The following GCLC variants were observed in gnomAD, a reference collection of about 807,000 sequenced individuals.
GCLC encodes glutamate-cysteine ligase catalytic subunit.
In GCLC, 30 loss-of-function variants were observed where a neutral mutation model predicts 81.5. The observed-to-expected ratio is 0.37, with a 90% CI of 0.28 to 0.50. GCLC has a LOEUF of 0.50. Ranked by LOEUF, GCLC falls within the 20% of genes least tolerant of loss-of-function variation. The pLI, the probability that GCLC is intolerant of heterozygous loss-of-function variation, is 0.96. For missense variants in GCLC, 556 were observed against 777.4 expected, an observed-to-expected ratio of 0.72 and a Z score of 3.39; for synonymous variants, 262 against 273.3, an observed-to-expected ratio of 0.96 and a Z score of 0.41.
chr6:53,509,284 G>A (rs768207663), intron 6 of GCLC, 34 bp from the exon 7 acceptor site: 60 of 1,275,092 alleles, frequency 4.7e-5, no homozygotes, highest in Non-Finnish European at 5.9e-5. Flanking sequence ...TAACACCAAG[G>A]AATCATTAGC....
At chr6:53,517,249 GTTTTTTT>G (rs201960255) in intron 3 of GCLC, among the ~76,000 whole-genome samples, 2 of 73,114 alleles carry the variant, frequency 2.7e-5, no homozygotes, top group African/African-American at 5.2e-5. Flanking sequence ...ACTGTACCAA[GTTTTTTT>G]TTTTTTTTTT....
chr6:53,515,221 A>T (rs1764843643), intron 4 of GCLC, among the ~76,000 whole-genome samples: 1 of 152,170 alleles, frequency 6.6e-6, no homozygotes, highest in Non-Finnish European at 1.5e-5. Flanking sequence ...TTACAATTAC[A>T]TGTTTCTATG....
Position 53,505,861 on chromosome 6 carries a change from A to C in GCLC, c.1232T>G (p.Phe411Cys). The C allele has an allele frequency of 6.2e-7, 1 of 1,612,284 alleles. No homozygotes were observed. The highest frequency in any genetic ancestry group is 8.5e-7 in the Non-Finnish European group (1 of 1,178,346). Residue 411 changes from phenylalanine (F) to cysteine (C), a missense_variant, in exon 11 of 16, where the codon TTT becomes TGT. Phe to Cys is a radical substitution (Grantham distance 205, BLOSUM62 -2). Coordinates refer to ENST00000650454, the MANE Select transcript of GCLC (RefSeq NM_001498.4). ...GTCTGAGTTTGGAGGAGGGGGCTTA[A>C]ATCTCATTGTCTGCCAATTTGTGGA... ...IQSTNWQTMRFKPPPPNSDIG... is the reference protein window; with the variant it reads ...IQSTNWQTMRCKPPPPNSDIG...
intron 9 of GCLC, 163 bp from the exon 10 acceptor site, chr6:53,507,188 C>G: frequency 4.3e-6 from 3 of 696,996 alleles, no homozygotes. Flanking sequence ...GTATTTTATC[C>G]TGCGGACACT....
intron 1 of GCLC, chr6:53,523,948 C>T (rs1244460135): frequency 6.6e-6 from 1 of 152,176 alleles, no homozygotes; most frequent in African/African-American, 2.4e-5. Context: ...TGCAGAATCA[C>T]TCAGTGTCAG....
At position 53,506,745 on chromosome 6, in the gene GCLC, T is replaced by C. The variant is rs1481036947; in HGVS notation, c.1197+168A>G. The C allele has an allele frequency of 4.8e-6, 3 of 619,734 alleles. No individual in the cohort carries two copies. In the African/African-American group the frequency reaches 5.6e-5, roughly 11 times the overall value. The allele number at this position is 619,734 out of a possible 1,614,324, so 38.4% of individuals were successfully genotyped here. A position where few individuals can be genotyped will look rare whatever the true frequency, so the allele number is the denominator to read the frequency against. On this transcript the variant is annotated intron_variant, in intron 10 of 15. Transcript: ENST00000650454. This position sits in a 1 kb window ranked among gnomAD's most constrained non-coding sequence, Gnocchi z 4.0. ...CGATTTTTTATTTGTCCAAGTTCTT[T>C]ACTGCACTGGGTAAATGAAAGTCTT...
At position 53,506,503 on chromosome 6, in the gene GCLC, A is replaced by G. The variant is rs1764617239; in HGVS notation, c.1197+410T>C. 4.0e-6 allele frequency: 1 copy of G among 248,516 alleles called. No homozygotes were observed. The highest frequency in any genetic ancestry group is 7.8e-6 in the Non-Finnish European group (1 of 127,960). The allele number at this position is 248,516 out of a possible 1,614,324, so 15.4% of individuals were successfully genotyped here. ...AAAAGGTATATATGTCAATGTCTAC[A>G]TATAACATGACACAGAAATAAATCT... On this transcript the variant is annotated intron_variant, in intron 10 of 15. Transcript: ENST00000650454. This position sits in a 1 kb window ranked among gnomAD's most constrained non-coding sequence, Gnocchi z 4.0.
At chr6:53,507,684 T>C (rs1269950209) in intron 8 of GCLC, 66 bp from the exon 9 acceptor site, 12 of 670,224 alleles carry the variant, frequency 1.8e-5, no homozygotes, top group Non-Finnish European at 2.6e-5. Flanking sequence ...TTTTTATATA[T>C]GATAATTATA....
Position 53,505,905 on chromosome 6 carries a change from A to G in GCLC, c.1198-10T>C, listed in dbSNP as rs1354421213. ...TTGTGGACTGAATATTCTGTGATAC[A>G]AAAGCAGAGAAGAAAACCAACTTTT... On this transcript the variant is annotated splice_polypyrimidine_tract_variant and intron_variant, in intron 10 of 15. Transcript: ENST00000650454. 6.4e-7 allele frequency: 1 copy of G among 1,559,924 alleles called. No individual in the cohort carries two copies. Among genetic ancestry groups the G allele is most frequent in the Non-Finnish European group, 8.8e-7 (1 of 1,130,694 alleles).
rs181300761 is a variant in GCLC at position 53,529,280 on chromosome 6, C to T, written c.151-6753G>A. Among the ~76,000 whole-genome samples the T allele has an allele frequency of 7.9e-5, 12 of 152,228 alleles. No individual in the cohort carries two copies. In the East Asian group the frequency reaches 1.5e-3, roughly 20 times the overall value. ...TGTAGACCTGCTCTTTCATGCTCCA[C>T]GGATGCATGAGACATTTTCTGGGCC... On this transcript the variant is annotated intron_variant, in intron 1 of 15. Coordinates refer to ENST00000650454, the MANE Select transcript of GCLC (RefSeq NM_001498.4).
chr6:53,534,500 A>C (rs368956510), intron 1 of GCLC, among the ~76,000 whole-genome samples: 1 of 151,858 alleles, frequency 6.6e-6, no homozygotes, highest in African/African-American at 2.4e-5. Flanking sequence ...AAAAAAAGAG[A>C]GAGGAAGAGA....
chr6:53,507,443 G>C, intron 9 of GCLC, 37 bp downstream of exon 9: 1 of 1,607,128 alleles, frequency 6.2e-7, no homozygotes, highest in Non-Finnish European at 8.5e-7. Context: ...AACTAAAGGC[G>C]TACATTCAAA....
At chr6:53,544,467 C>A in intron 1 of GCLC, 29 bp downstream of exon 1, 1 of 1,602,042 alleles carries the variant, frequency 6.2e-7, no homozygotes, top group Non-Finnish European at 8.5e-7. Context: ...CACGGGTGCC[C>A]GGCGGGGACG....
rs778390891 is a variant in GCLC at position 53,498,977 on chromosome 6, AG to A, written c.1703-11del. 6.3e-6 allele frequency: 10 copies of A among 1,586,782 alleles called. No individual in the cohort carries two copies. The highest frequency in any genetic ancestry group is 1.1e-5 in the South Asian group (1 of 90,008). On this transcript the variant is annotated splice_polypyrimidine_tract_variant and intron_variant, in intron 15 of 15. Transcript: ENST00000650454. ...ACTGTCATTAGTTCTCCTGTGGGCG[AG>A]GGGGGAGCGAAAAAAAAATTAAAAC...
chr6:53,538,209 T>G (rs1014234435), intron 1 of GCLC, among the ~76,000 whole-genome samples: 1 of 143,274 alleles, frequency 7.0e-6, no homozygotes, highest in Non-Finnish European at 1.5e-5. Context: ...AGTGCAGTAG[T>G]GGCATGATCC....
intron 4 of GCLC, 185 bp from the exon 5 acceptor site, chr6:53,514,682 C>T (rs937766801): frequency 1.5e-6 from 1 of 679,134 alleles, no homozygotes; most frequent in Non-Finnish European, 2.7e-6. Flanking sequence ...AAAGATTTTG[C>T]ATTAGTATCA....
rs2127622965 is a variant in GCLC at position 53,514,264 on chromosome 6, A to G, written c.693T>C (p.Ser231=). The G allele has an allele frequency of 6.2e-7, 1 of 1,612,682 alleles. No homozygotes were observed. Among genetic ancestry groups the G allele is most frequent in the African/African-American group, 1.3e-5 (1 of 75,050 alleles). Residue 231 remains serine, a synonymous_variant, in exon 6 of 16, where the codon TCT becomes TCC. Transcript: ENST00000650454. Reference sequence around the variant, plus strand: ...CATCCATGTAAATATGATCCGGCTTAGAAGCCCTTGAAGCTTCATCATCCT... The same window carrying G: ...CATCCATGTAAATATGATCCGGCTTGGAAGCCCTTGAAGCTTCATCATCCT... ...FTEDDEASRA[S]KPDHIYMDAM...
chr6:53,527,658 G>A (rs1051715385), intron 1 of GCLC, among the ~76,000 whole-genome samples: 2 of 152,182 alleles, frequency 1.3e-5, no homozygotes, highest in South Asian at 2.1e-4. Flanking sequence ...TTATCTGAAC[G>A]AGTGCTCAAA....
intron 4 of GCLC, among the ~76,000 whole-genome samples, chr6:53,515,696 C>T (rs189028832): frequency 1.6e-4 from 25 of 152,192 alleles, no homozygotes; most frequent in Non-Finnish European, 3.2e-4. Context: ...TCAGGTACTG[C>T]ACCTATTTTA....
Sources: gnomAD v4.1 joint callset for allele counts (sites outside exome capture counted in the v4.1 genomes callset) on GRCh38, gnomAD v4.1.1 for gene constraint, Gnocchi (gnomAD v3.1) non-coding constraint, MANE v1.5 for transcripts, NCBI Gene and HGNC (gene_info 2026-07-23, HGNC 2026-07-21) for gene names.